The following ZNF454 variants were observed in gnomAD, a reference collection of about 807,000 sequenced individuals.
ZNF454 encodes the protein zinc finger protein 454.
Under a neutral mutation model 48.2 loss-of-function variants are expected in ZNF454, and 30 were observed. The observed-to-expected ratio is 0.62, with a 90% CI of 0.47 to 0.84. The LOEUF (loss-of-function observed/expected upper bound fraction) is 0.84. Among genes scored for constraint, ZNF454 ranks in the 40% least tolerant of loss-of-function variants. The probability of loss-of-function intolerance (pLI) is 0.00; values close to 1 mark genes in which losing one functional copy is unlikely to be tolerated. For synonymous variants in ZNF454, 204 were observed against 211.4 expected (o/e 0.97, Z 0.30); for missense variants, 510 against 623.1 (o/e 0.82, Z 1.93).
the ZNF454 span, chr5:178,986,416 G>A: frequency 6.7e-4 from 1,074 of 1,613,704 alleles, no homozygotes; most frequent in Admixed American, 8.5e-4. Flanking sequence ...GACGATGGGC[G>A]TGTTGTTGTA....
downstream of ZNF454, among the ~76,000 whole-genome samples, chr5:178,970,076 G>A (rs1451412613): frequency 6.6e-6 from 1 of 152,210 alleles, no homozygotes; most frequent in Non-Finnish European, 1.5e-5. Context: ...CCCTGCAGCA[G>A]ACTCAGGCTT....
chr5:178,983,315 A>G, the ZNF454 span: 1 of 1,096,214 alleles, frequency 9.1e-7, no homozygotes, highest in East Asian at 2.5e-5. Flanking sequence ...GATCCCCTTG[A>G]GGCTCTGGCC....
rs1381530248 is a variant in ZNF454 at position 178,965,799 on chromosome 5, A to G, written c.1395A>G (p.Glu465=). The G allele has an allele frequency of 1.9e-6, 3 of 1,614,146 alleles. No individual in the cohort carries two copies. The highest frequency in any genetic ancestry group is 2.5e-6 in the Non-Finnish European group (3 of 1,180,042). Residue 465 remains glutamate, a synonymous_variant, in exon 5 of 5, where the codon GAA becomes GAG. Transcript: ENST00000519564. This position sits in a 1 kb window ranked among gnomAD's most constrained non-coding sequence, Gnocchi z 5.2. The part of the protein sequence containing the change: ...LTQHKRIHTR[E]KPYKCKICEK... ...AACATAAGAGAATTCATACTAGGGA[A>G]AAACCTTACAAATGTAAAATCTGTG...
At chr5:178,963,442 G>T (rs759586607) in intron 4 of ZNF454, among the ~76,000 whole-genome samples, 1 of 151,704 alleles carries the variant, frequency 6.6e-6, no homozygotes, top group African/African-American at 2.4e-5. Context: ...AAGTAAAGAG[G>T]TTTGTTTCTT....
intron 4 of ZNF454, among the ~76,000 whole-genome samples, chr5:178,964,353 C>T (rs1419361987): frequency 1.3e-5 from 2 of 152,120 alleles, no homozygotes; most frequent in Admixed American, 1.3e-4. Flanking sequence ...ATCTCCTGAC[C>T]TCGTGATCCA....
At chr5:178,947,129 G>A in intron 4 of ZNF454, 143 bp downstream of exon 4, 2 of 687,288 alleles carry the variant, frequency 2.9e-6, no homozygotes, top group Non-Finnish European at 5.0e-6. Flanking sequence ...TGAATACCTT[G>A]TTGCTACTTT....
At chr5:178,949,193 G>A (rs951944960) in intron 4 of ZNF454, among the ~76,000 whole-genome samples, 3 of 152,096 alleles carry the variant, frequency 2.0e-5, no homozygotes, top group Non-Finnish European at 4.4e-5. Flanking sequence ...TGGGATTACA[G>A]GCGCCTGCCA....
At chr5:178,954,682 T>C (rs1017121668) in intron 4 of ZNF454, among the ~76,000 whole-genome samples, 1 of 152,240 alleles carries the variant, frequency 6.6e-6, no homozygotes, top group African/African-American at 2.4e-5. Context: ...ATTTTTCTTA[T>C]GCCCCAAAGT....
At chr5:178,985,152 A>C in the ZNF454 span, 1 of 393,610 alleles carries the variant, frequency 2.5e-6, no homozygotes. Flanking sequence ...CCCAGGGAGC[A>C]GGGCAGCAGA....
chr5:178,971,430 C>T (rs937942776), downstream of ZNF454, among the ~76,000 whole-genome samples: 19 of 151,988 alleles, frequency 1.3e-4, no homozygotes, highest in African/African-American at 4.4e-4. Context: ...GGTGCTCGGC[C>T]CTGGGGTGAT....
chr5:178,985,591 T>C, the ZNF454 span: 338,876 of 347,766 alleles, frequency 0.97, 165,195 homozygotes, highest in South Asian at 0.99. Context: ...TAGTCCCAGC[T>C]ACTCGGGAGG....
At chr5:178,989,211 ACCCTCACC>A in the ZNF454 span, 2 of 121,738 alleles carry the variant, frequency 1.6e-5, no homozygotes, top group Non-Finnish European at 2.6e-5. Context: ...CCCCCTCCCC[ACCCTCACC>A]ACCCTCCCCA....
the ZNF454 span, chr5:178,985,695 T>TC: frequency 8.1e-6 from 3 of 371,296 alleles, no homozygotes; most frequent in Non-Finnish European, 1.5e-5. Flanking sequence ...ACAGCGAGAC[T>TC]CTGTCTAAAA....
In ZNF454 at chr5:178,946,588, T is replaced by A. The variant is rs1759348451; in HGVS notation, c.160+103T>A. The A allele has an allele frequency of 7.0e-7, 1 of 1,437,814 alleles. No individual in the cohort carries two copies. The highest frequency in any genetic ancestry group is 2.4e-5 in the Admixed American group (1 of 41,150). 89.1% of individuals were successfully genotyped at this position (1,437,814 alleles called of 1,614,324 possible). ...AGTCGGTTGGACCAACTGAGGACGC[T>A]GTCTTCAAGGGTGCCATTAATTTTA... On this transcript the variant is annotated intron_variant, in intron 3 of 4. Transcript: ENST00000519564. The surrounding 1 kb of genome is among the most constrained non-coding windows in gnomAD (Gnocchi z 4.5).
chr5:178,981,927 A>G, the ZNF454 span: 4 of 938,670 alleles, frequency 4.3e-6, no homozygotes, highest in Admixed American at 3.4e-5. This position sits in a 1 kb window ranked among gnomAD's most constrained non-coding sequence, Gnocchi z 5.1. Context: ...AGTCCTCACC[A>G]CATACTCTGG....
Position 178,946,228 on chromosome 5 carries a change from C to A in ZNF454, c.34-131C>A. 7.9e-7 allele frequency: 1 copy of A among 1,266,858 alleles called. No individual in the cohort carries two copies. The highest frequency in any genetic ancestry group is 1.1e-6 in the Non-Finnish European group (1 of 914,654). The allele number at this position is 1,266,858 out of a possible 1,614,324, so 78.5% of individuals were successfully genotyped here. On this transcript the variant is annotated intron_variant, in intron 2 of 4. Coordinates refer to ENST00000519564, the MANE Select transcript of ZNF454 (RefSeq NM_001178089.3). This position sits in a 1 kb window ranked among gnomAD's most constrained non-coding sequence, Gnocchi z 4.5. ...ACCCTGAAGAGTGATGAACTTGTCA[C>A]AGAACGCCAGCTCCCTGTGTGCCAG...
chr5:178,942,667 C>A lies in ZNF454; in HGVS notation c.-107-18C>A, dbSNP rs757475029. 4 of 1,086,638 alleles carry A rather than the reference C, an allele frequency of 3.7e-6. No individual in the cohort carries two copies. Among genetic ancestry groups the A allele is most frequent in the African/African-American group, 3.1e-5 (2 of 64,564 alleles). 67.3% of individuals were successfully genotyped at this position (1,086,638 alleles called of 1,614,324 possible). On this transcript the variant is annotated intron_variant, in intron 1 of 4. Transcript: ENST00000519564. Reference sequence around the variant, plus strand: ...GGACTGCTGTATGAGAGCTTTTGACCCAGTTCTCTCCTAATAGCAGGTGTG... The same window carrying A: ...GGACTGCTGTATGAGAGCTTTTGACACAGTTCTCTCCTAATAGCAGGTGTG...
At chr5:178,960,703 G>A (rs1368326485) in intron 4 of ZNF454, among the ~76,000 whole-genome samples, 1 of 151,610 alleles carries the variant, frequency 6.6e-6, no homozygotes, top group Non-Finnish European at 1.5e-5. Flanking sequence ...GCATACAAAT[G>A]AAAATTTGTT....
the ZNF454 span, among the ~76,000 whole-genome samples, chr5:178,984,711 G>A: frequency 6.6e-6 from 1 of 152,166 alleles, no homozygotes; most frequent in African/African-American, 2.4e-5. Flanking sequence ...CTCAGGCCCT[G>A]TTACGTGGAG....
Sources: gnomAD v4.1 joint callset for allele counts (sites outside exome capture counted in the v4.1 genomes callset) on GRCh38, gnomAD v4.1.1 for gene constraint, Gnocchi (gnomAD v3.1) non-coding constraint, MANE v1.5 for transcripts, NCBI Gene and HGNC (gene_info 2026-07-23, HGNC 2026-07-21) for gene names.